The following SLC22A16 variants were observed in gnomAD, a reference collection of about 807,000 sequenced individuals.
SLC22A16 encodes WUGSC:RG331P03.1.
A neutral mutation model predicts 52.9 loss-of-function variants in SLC22A16; 53 were observed. The ratio of observed to expected loss-of-function variants is 1.00; its 90% CI spans 0.80 to 1.26. SLC22A16 has a LOEUF of 1.26. Ranked by LOEUF, SLC22A16 falls within the 50% of genes most tolerant of loss-of-function variation. The probability of loss-of-function intolerance (pLI) is 0.00; values close to 1 mark genes in which losing one functional copy is unlikely to be tolerated. For missense variants in SLC22A16, 726 were observed against 704.0 expected (o/e 1.03, Z -0.35); for synonymous variants, 291 against 268.8 (o/e 1.08, Z -0.81).
rs35567505 is a variant in SLC22A16 at position 110,450,611 on chromosome 6, C to CAAAA, written c.534-3625_534-3622dup. Among the ~76,000 whole-genome samples, 94 of 48,664 alleles carry CAAAA rather than the reference C, an allele frequency of 1.9e-3. 3 individuals are homozygous for CAAAA. The highest frequency in any genetic ancestry group is 0.012 in the Middle Eastern group (1 of 82). 31.9% of individuals were successfully genotyped at this position (48,664 alleles called of 152,430 possible). On this transcript the variant is annotated intron_variant, in intron 2 of 7. Transcript: ENST00000368919. The stretch of plus-strand genomic sequence containing the variant: ...TGGGCAACAGAGCTAGACATCTTCT[C>CAAAA]AAAAAAAAAAAAAAAAAAAAAAAAG...
At chr6:110,473,366 C>T (rs550990385) in intron 1 of SLC22A16, among the ~76,000 whole-genome samples, 16 of 152,116 alleles carry the variant, frequency 1.1e-4, no homozygotes, top group African/African-American at 3.6e-4. Context: ...AACACAGGTG[C>T]CTAAATTTCA....
chr6:110,441,073 A>G (rs1462222483), intron 4 of SLC22A16, among the ~76,000 whole-genome samples: 1 of 152,228 alleles, frequency 6.6e-6, no homozygotes, highest in Non-Finnish European at 1.5e-5. Flanking sequence ...CCCCAAATAA[A>G]TCAGCAGTTT....
At chr6:110,439,060 G>A (rs1048246752) in intron 4 of SLC22A16, among the ~76,000 whole-genome samples, 1 of 152,152 alleles carries the variant, frequency 6.6e-6, no homozygotes, top group Non-Finnish European at 1.5e-5. Flanking sequence ...ATGCTCTAAT[G>A]CTCATAATCC....
chr6:110,428,901 C>T (rs1419106872), intron 7 of SLC22A16, among the ~76,000 whole-genome samples: 1 of 152,080 alleles, frequency 6.6e-6, no homozygotes, highest in Non-Finnish European at 1.5e-5. Flanking sequence ...GCCTGGTCGA[C>T]AGAGCAAGAC....
intron 3 of SLC22A16, among the ~76,000 whole-genome samples, chr6:110,444,235 C>T (rs979167184): frequency 1.3e-5 from 2 of 151,988 alleles, no homozygotes; most frequent in Non-Finnish European, 2.9e-5. Context: ...TAATATGTGA[C>T]CATTCTTGAA....
intron 6 of SLC22A16, among the ~76,000 whole-genome samples, chr6:110,432,459 A>G (rs1316040252): frequency 6.6e-6 from 1 of 152,208 alleles, no homozygotes; most frequent in Non-Finnish European, 1.5e-5. Flanking sequence ...CACTCAGCAC[A>G]TGTGTGTCAA....
chr6:110,450,189 GA>G (rs1195520845), intron 2 of SLC22A16, among the ~76,000 whole-genome samples: 1 of 147,950 alleles, frequency 6.8e-6, no homozygotes, highest in Non-Finnish European at 1.5e-5. Flanking sequence ...AAAAAAAAAG[GA>G]GGGGGGGGCA....
chr6:110,471,680 G>A (rs1444560441), intron 1 of SLC22A16, among the ~76,000 whole-genome samples: 1 of 152,244 alleles, frequency 6.6e-6, no homozygotes. Flanking sequence ...AAGGACAGTA[G>A]TGAGCTTGGG....
Position 110,446,878 on chromosome 6 carries a change from C to T in SLC22A16, c.646G>A (p.Ala216Thr), listed in dbSNP as rs76198997. The change falls in exon 3 of 8, where the codon GCC becomes ACC. Residue 216 changes from alanine to threonine, a missense_variant. Coordinates refer to ENST00000368919, the MANE Select transcript of SLC22A16 (RefSeq NM_033125.4). ...YTFMAARFFL[A>T]MVASGYLVVG... The stretch of plus-strand genomic sequence containing the variant: ...AAGTAAAAAACACAACTCACCATGG[C>T]AAGAAAAAAGCGAGCAGCCATGAAG... 6.8e-6 allele frequency: 11 copies of T among 1,608,296 alleles called. No homozygotes were observed. In the Admixed American group the frequency reaches 1.9e-4, roughly 27 times the overall value.
chr6:110,432,120 C>T (rs1355635474), intron 6 of SLC22A16, among the ~76,000 whole-genome samples: 1 of 152,158 alleles, frequency 6.6e-6, no homozygotes, highest in African/African-American at 2.4e-5. Context: ...GTAAGTACCT[C>T]TATAAATTAA....
chr6:110,446,241 G>A (rs1426441067), intron 3 of SLC22A16, among the ~76,000 whole-genome samples: 2 of 152,110 alleles, frequency 1.3e-5, no homozygotes, highest in Admixed American at 6.6e-5. Flanking sequence ...CTCCTTGCTC[G>A]CTAGTCCATT....
At chr6:110,467,133 C>A (rs1462303521) in intron 1 of SLC22A16, among the ~76,000 whole-genome samples, 1 of 152,158 alleles carries the variant, frequency 6.6e-6, no homozygotes, top group Non-Finnish European at 1.5e-5. Flanking sequence ...CAAGAATTCT[C>A]ACATTTTGAG....
intron 7 of SLC22A16, among the ~76,000 whole-genome samples, chr6:110,425,556 A>G (rs1774227636): frequency 6.6e-6 from 1 of 152,246 alleles, no homozygotes; most frequent in Non-Finnish European, 1.5e-5. Context: ...ATGATAGGGA[A>G]TGAATGAATG....
intron 1 of SLC22A16, among the ~76,000 whole-genome samples, chr6:110,475,162 A>G (rs1434151116): frequency 1.3e-5 from 2 of 152,158 alleles, no homozygotes; most frequent in Non-Finnish European, 2.9e-5. Context: ...CTGCTTCCAG[A>G]AGGATGAAAT....
At position 110,456,740 on chromosome 6, in the gene SLC22A16, T is replaced by A; in HGVS notation, c.331A>T (p.Ser111Cys). ...CSRNKRENTS[S>C]LGYEYTGSKK... is the part of the protein sequence containing the mutation. ...CTGCCAGTGTATTCATAGCCCAAACTCGATGTGTTCTCCCTCTTATTCCTG... is the reference window on the plus strand; with the variant it reads ...CTGCCAGTGTATTCATAGCCCAAACACGATGTGTTCTCCCTCTTATTCCTG... The change falls in exon 2 of 8, where the codon AGT becomes TGT. Residue 111 changes from serine to cysteine, a missense_variant. Coordinates refer to ENST00000368919, the MANE Select transcript of SLC22A16 (RefSeq NM_033125.4). 1 of 1,614,106 alleles carries A rather than the reference T, an allele frequency of 6.2e-7. No individual in the cohort carries two copies.
At chr6:110,464,206 A>G (rs1340853379) in intron 1 of SLC22A16, among the ~76,000 whole-genome samples, 2 of 152,136 alleles carry the variant, frequency 1.3e-5, no homozygotes, top group Admixed American at 6.6e-5. Context: ...TCTCAAATTA[A>G]CAACCATTAA....
intron 7 of SLC22A16, among the ~76,000 whole-genome samples, chr6:110,427,033 C>T (rs1019855710): frequency 3.3e-5 from 5 of 151,602 alleles, no homozygotes; most frequent in African/African-American, 9.7e-5. Context: ...TGGCGGATCA[C>T]GTGAGGTCAG....
intron 7 of SLC22A16, among the ~76,000 whole-genome samples, chr6:110,430,263 A>C (rs1774442226): frequency 6.6e-6 from 1 of 152,078 alleles, no homozygotes; most frequent in Non-Finnish European, 1.5e-5. Context: ...CCACTGACCT[A>C]TCCTTAACCA....
In SLC22A16 at chr6:110,442,703, C is replaced by T. The variant is rs376231006; in HGVS notation, c.724G>A (p.Ala242Thr). The change falls in exon 4 of 8, where the codon GCG becomes ACG. Residue 242 changes from alanine to threonine, a missense_variant. Physicochemically the swap from Ala to Thr is moderately conservative, Grantham distance 58. Coordinates refer to ENST00000368919, the MANE Select transcript of SLC22A16 (RefSeq NM_033125.4). ...EFIGMKSRTW[A>T]SVHLHSFFAV... Reference sequence around the variant, plus strand: ...AAAAAGGAATGCAAATGGACAGACGCCCATGTCCGAGACTTCATGCCAATG... The same window carrying T: ...AAAAAGGAATGCAAATGGACAGACGTCCATGTCCGAGACTTCATGCCAATG... The T allele has an allele frequency of 5.0e-5, 81 of 1,613,984 alleles. No individual in the cohort carries two copies. The highest frequency in any genetic ancestry group is 6.8e-5 in the Non-Finnish European group (80 of 1,179,988).
Sources: gnomAD v4.1 joint callset for allele counts (sites outside exome capture counted in the v4.1 genomes callset) on GRCh38, gnomAD v4.1.1 for gene constraint, MANE v1.5 for transcripts, NCBI Gene and HGNC (gene_info 2026-07-23, HGNC 2026-07-21) for gene names.